The following GRIK1 variants were observed in gnomAD, a reference collection of about 807,000 sequenced individuals.
GRIK1 encodes the protein glutamate ionotropic receptor kainate type subunit 1, also known as glutamate receptor ionotropic, kainate 1.
GRIK1 carries 69 observed loss-of-function variants against 105.7 expected under a neutral mutation model. The ratio of observed to expected loss-of-function variants is 0.65; its 90% confidence interval spans 0.54 to 0.80. GRIK1 has a LOEUF of 0.80. Among genes scored for constraint, GRIK1 ranks in the 30% least tolerant of loss-of-function variants. The probability of loss-of-function intolerance (pLI) is 0.00; values close to 1 mark genes in which losing one functional copy is unlikely to be tolerated. For missense variants in GRIK1, 1,109 were observed against 1,167.3 expected, an observed-to-expected ratio of 0.95 and a Z score of 0.73; for synonymous variants, 438 against 431.3, an observed-to-expected ratio of 1.02 and a Z score of -0.19.
chr21:29,869,812 AC>A (rs1395379784), intron 1 of GRIK1, among the ~76,000 whole-genome samples: 2 of 152,202 alleles, frequency 1.3e-5, no homozygotes, highest in Non-Finnish European at 2.9e-5. Flanking sequence ...CAAACCCTCC[AC>A]AGCTAGTAAC....
chr21:29,553,990 C>T (rs2090186266), intron 16 of GRIK1, among the ~76,000 whole-genome samples: 1 of 152,052 alleles, frequency 6.6e-6, no homozygotes, highest in Non-Finnish European at 1.5e-5. Context: ...TCATAGTTGC[C>T]TTGTAATTCT....
chr21:29,549,617 G>T (rs1284010102), intron 16 of GRIK1, among the ~76,000 whole-genome samples: 1 of 152,048 alleles, frequency 6.6e-6, no homozygotes, highest in Non-Finnish European at 1.5e-5. Context: ...TCCCCAGGTG[G>T]TTCTGATTTA....
intron 1 of GRIK1, among the ~76,000 whole-genome samples, chr21:29,776,094 A>AT (rs1389644300): frequency 6.6e-6 from 1 of 152,156 alleles, no homozygotes; most frequent in Non-Finnish European, 1.5e-5. Flanking sequence ...AAACCACCAG[A>AT]TATTGTGAGA....
chr21:29,867,143 A>T (rs1242551696), intron 1 of GRIK1, among the ~76,000 whole-genome samples: 2 of 152,182 alleles, frequency 1.3e-5, no homozygotes, highest in Non-Finnish European at 2.9e-5. Flanking sequence ...GGGTGCAGGT[A>T]GTGACTTTTA....
chr21:29,761,548 C>A (rs1238228461), intron 1 of GRIK1: 2 of 152,014 alleles, frequency 1.3e-5, no homozygotes, highest in African/African-American at 4.8e-5. Context: ...GCAAATCATG[C>A]TATATATTAA....
intron 1 of GRIK1, among the ~76,000 whole-genome samples, chr21:29,875,639 T>A (rs1262397071): frequency 2.0e-5 from 3 of 152,200 alleles, no homozygotes; most frequent in African/African-American, 7.2e-5. Context: ...AAGAAATTTA[T>A]GTAGAGCCCA....
At chr21:29,592,810 G>A (rs2061351381) in intron 9 of GRIK1, among the ~76,000 whole-genome samples, 1 of 152,056 alleles carries the variant, frequency 6.6e-6, no homozygotes, top group African/African-American at 2.4e-5. Flanking sequence ...AAGGAATCTG[G>A]ACTCATTTTT....
At position 29,880,387 on chromosome 21, in the gene GRIK1, A is replaced by G. The variant is rs997051543; in HGVS notation, c.118+58996T>C. On this transcript the variant is annotated intron_variant, in intron 1 of 17. Coordinates refer to ENST00000327783, the MANE Select transcript of GRIK1 (RefSeq NM_001330994.2). ...GCATTAAGAAAAATGGTCTGGCAAG[A>G]TAGCAAATTCCAATTTCCTATGATC... 3.2e-4 allele frequency among the ~76,000 whole-genome samples: 49 copies of G among 152,108 alleles called. 1 individual carries two copies. The highest frequency in any genetic ancestry group is 1.1e-3 in the African/African-American group (47 of 41,426).
At chr21:29,848,779 A>ATTTTTTTTTTTTTTT (rs1555898508) in intron 1 of GRIK1, among the ~76,000 whole-genome samples, 1 of 77,866 alleles carries the variant, frequency 1.3e-5, no homozygotes, top group African/African-American at 5.8e-5. Context: ...ATATATATAT[A>ATTTTTTTTTTTTTTT]TTTTTTTTTT....
chr21:29,572,745 G>T (rs2090781400), intron 14 of GRIK1, among the ~76,000 whole-genome samples: 1 of 151,828 alleles, frequency 6.6e-6, no homozygotes, highest in South Asian at 2.1e-4. Context: ...GGATAATATT[G>T]GTATTTAGCT....
chr21:29,621,141 C>T (rs2061992548), intron 7 of GRIK1, among the ~76,000 whole-genome samples: 1 of 151,912 alleles, frequency 6.6e-6, no homozygotes, highest in Non-Finnish European at 1.5e-5. Flanking sequence ...AAGAAGAAAG[C>T]CAGCCTTCAA....
At chr21:29,872,463 C>A (rs2069052706) in intron 1 of GRIK1, among the ~76,000 whole-genome samples, 2 of 152,092 alleles carry the variant, frequency 1.3e-5, no homozygotes, top group African/African-American at 4.8e-5. Context: ...GCTCTGACTT[C>A]TTAACACGCA....
chr21:29,615,703 C>T (rs1005789275), intron 7 of GRIK1, among the ~76,000 whole-genome samples: 3 of 152,208 alleles, frequency 2.0e-5, no homozygotes, highest in Non-Finnish European at 2.9e-5. Context: ...TGTAATACTG[C>T]TATAATTTCA....
chr21:29,894,465 G>A (rs547878456), intron 1 of GRIK1, among the ~76,000 whole-genome samples: 6 of 152,304 alleles, frequency 3.9e-5, no homozygotes, highest in South Asian at 4.1e-4. Context: ...GACTCAGCAA[G>A]TCTGTTCTTC....
At chr21:29,780,875 T>G (rs891236695) in intron 1 of GRIK1, among the ~76,000 whole-genome samples, 2 of 152,196 alleles carry the variant, frequency 1.3e-5, no homozygotes, top group Non-Finnish European at 2.9e-5. Flanking sequence ...AATGTTTATA[T>G]GAAAGACATG....
At chr21:29,580,420 G>A (rs187980443) in intron 13 of GRIK1, among the ~76,000 whole-genome samples, 30 of 152,040 alleles carry the variant, frequency 2.0e-4, no homozygotes, top group East Asian at 3.9e-4. Flanking sequence ...ACTTAATTGC[G>A]TAACTAGGAT....
At chr21:29,550,107 C>CAAAAAAAAAAAAAAAAAAAAAAA (rs34939329) in intron 16 of GRIK1, among the ~76,000 whole-genome samples, 4 of 53,476 alleles carry the variant, frequency 7.5e-5, no homozygotes, top group African/African-American at 2.6e-4. Flanking sequence ...GACTCCATCT[C>CAAAAAAAAAAAAAAAAAAAAAAA]AAAAAAAAAA....
chr21:29,785,396 CTACAAAAAA>C (rs2066230465), intron 1 of GRIK1, among the ~76,000 whole-genome samples: 1 of 151,840 alleles, frequency 6.6e-6, no homozygotes. Context: ...AACCCCATCT[CTACAAAAAA>C]TACAAAAAAT....
intron 1 of GRIK1, among the ~76,000 whole-genome samples, chr21:29,933,467 G>GTGTT (rs1025608360): frequency 6.6e-6 from 1 of 152,236 alleles, no homozygotes; most frequent in African/African-American, 2.4e-5. Flanking sequence ...AAGAAACAGA[G>GTGTT]TGTTTGTTTG....
Sources: gnomAD v4.1 joint callset for allele counts (sites outside exome capture counted in the v4.1 genomes callset) on GRCh38, gnomAD v4.1.1 for gene constraint, MANE v1.5 for transcripts, NCBI Gene and HGNC (gene_info 2026-07-23, HGNC 2026-07-21) for gene names.